The following AGMO variants were observed in gnomAD, a reference collection of about 807,000 sequenced individuals.
The protein encoded by AGMO is alkylglycerol monooxygenase, also known as glyceryl-ether monooxygenase.
Under a neutral mutation model 60.2 loss-of-function variants are expected in AGMO, and 75 were observed. The observed-to-expected ratio is 1.25, with a 90% CI of 1.03 to 1.51. AGMO has a LOEUF of 1.51. AGMO is among the 40% of genes most tolerant of loss of function. The pLI, the probability that AGMO is intolerant of heterozygous loss-of-function variation, is 0.00. For synonymous variants in AGMO, 261 were observed against 177.1 expected, an observed-to-expected ratio of 1.47 and a Z score of -3.76; for missense variants, 763 against 525.5, an observed-to-expected ratio of 1.45 and a Z score of -4.42.
intron 12 of AGMO, among the ~76,000 whole-genome samples, chr7:15,354,858 AT>A (rs1468993927): frequency 6.6e-6 from 1 of 151,056 alleles, no homozygotes; most frequent in Non-Finnish European, 1.5e-5. Context: ...AAAATATATT[AT>A]ATCCTATAAA....
chr7:15,435,008 T>C (rs1303278840), intron 3 of AGMO, among the ~76,000 whole-genome samples: 1 of 152,112 alleles, frequency 6.6e-6, no homozygotes, highest in African/African-American at 2.4e-5. Flanking sequence ...GCATAATGCA[T>C]TGAAGATCCC....
At chr7:15,194,124 TCAG>T in the AGMO span, among the ~76,000 whole-genome samples, 2 of 152,184 alleles carry the variant, frequency 1.3e-5, no homozygotes, top group Non-Finnish European at 2.9e-5. Flanking sequence ...AATTTTATTT[TCAG>T]TATTAAACTT....
At chr7:15,238,178 A>G (rs2128501858) in intron 12 of AGMO, among the ~76,000 whole-genome samples, 1 of 151,996 alleles carries the variant, frequency 6.6e-6, no homozygotes, top group South Asian at 2.1e-4. Flanking sequence ...AGTTTGAATA[A>G]CTTTTTCATA....
At chr7:15,230,148 G>T (rs1277150533) in intron 12 of AGMO, among the ~76,000 whole-genome samples, 2 of 152,066 alleles carry the variant, frequency 1.3e-5, no homozygotes, top group Non-Finnish European at 2.9e-5. Context: ...AAAGAAAAGA[G>T]GAGGAGGAAA....
At chr7:15,397,089 G>A (rs1182514922) in intron 5 of AGMO, among the ~76,000 whole-genome samples, 3 of 152,102 alleles carry the variant, frequency 2.0e-5, no homozygotes, top group Non-Finnish European at 4.4e-5. Context: ...CCTGTCACTG[G>A]CACCCGCCAG....
At chr7:15,320,357 G>C (rs1781071702) in intron 12 of AGMO, among the ~76,000 whole-genome samples, 1 of 151,834 alleles carries the variant, frequency 6.6e-6, no homozygotes, top group South Asian at 2.1e-4. Context: ...TAGCCACAGA[G>C]AAGCCATATA....
chr7:15,301,236 C>T (rs183792298), intron 12 of AGMO, among the ~76,000 whole-genome samples: 13 of 152,092 alleles, frequency 8.5e-5, no homozygotes, highest in African/African-American at 3.1e-4. Flanking sequence ...GTCAGGAGTT[C>T]GAGACCAGGC....
chr7:15,314,183 G>A (rs773298622), intron 12 of AGMO, among the ~76,000 whole-genome samples: 2 of 152,028 alleles, frequency 1.3e-5, no homozygotes, highest in East Asian at 1.9e-4. Flanking sequence ...GGGTGAGACT[G>A]AGCAGGAGGG....
chr7:15,124,658 A>G, the AGMO span, among the ~76,000 whole-genome samples: 22 of 152,122 alleles, frequency 1.4e-4, no homozygotes, highest in African/African-American at 5.3e-4. Flanking sequence ...TTTAGAATTC[A>G]AAAGATTTCT....
intron 12 of AGMO, among the ~76,000 whole-genome samples, chr7:15,276,378 G>C (rs758513605): frequency 1.3e-5 from 2 of 151,842 alleles, no homozygotes; most frequent in African/African-American, 4.8e-5. Flanking sequence ...CTTCTGGCTT[G>C]TAAGGTTTCT....
chr7:15,559,355 C>T (rs1785239393), intron 2 of AGMO, among the ~76,000 whole-genome samples: 1 of 152,064 alleles, frequency 6.6e-6, no homozygotes, highest in African/African-American at 2.4e-5. Flanking sequence ...CTGGGATAAG[C>T]ACACAATTCC....
intron 12 of AGMO, among the ~76,000 whole-genome samples, chr7:15,266,749 T>C (rs1295723037): frequency 6.6e-6 from 1 of 151,908 alleles, no homozygotes; most frequent in Non-Finnish European, 1.5e-5. Context: ...TCTATATTCT[T>C]ATTTTATATA....
At chr7:15,133,511 A>C in the AGMO span, among the ~76,000 whole-genome samples, 1 of 152,148 alleles carries the variant, frequency 6.6e-6, no homozygotes, top group African/African-American at 2.4e-5. Context: ...TGGAGGCTAA[A>C]ATCATCAGTG....
chr7:15,429,902 A>T (rs1008212944), intron 4 of AGMO, among the ~76,000 whole-genome samples: 1 of 152,074 alleles, frequency 6.6e-6, no homozygotes, highest in African/African-American at 2.4e-5. Context: ...CTTATTTATG[A>T]TGATCAGAAA....
At chr7:15,178,106 G>A in the AGMO span, among the ~76,000 whole-genome samples, 1 of 152,086 alleles carries the variant, frequency 6.6e-6, no homozygotes, top group African/African-American at 2.4e-5. Flanking sequence ...GCGTTATCCT[G>A]GGACATCCTG....
the AGMO span, among the ~76,000 whole-genome samples, chr7:15,123,170 G>A: frequency 6.6e-6 from 1 of 151,884 alleles, no homozygotes; most frequent in Admixed American, 6.6e-5. Context: ...CCTCCAGCAA[G>A]TCTTAGCTAG....
intron 3 of AGMO, among the ~76,000 whole-genome samples, chr7:15,511,042 A>G (rs1168343547): frequency 6.6e-6 from 1 of 152,106 alleles, no homozygotes; most frequent in Non-Finnish European, 1.5e-5. Flanking sequence ...ACATTGACAT[A>G]AATGTGAACT....
At chr7:15,368,952 G>C (rs768121615) in intron 10 of AGMO, among the ~76,000 whole-genome samples, 3 of 152,058 alleles carry the variant, frequency 2.0e-5, no homozygotes, top group Non-Finnish European at 4.4e-5. Context: ...AACTTGGCAT[G>C]ACTAAAACAC....
At chr7:15,167,540 A>T in the AGMO span, among the ~76,000 whole-genome samples, 1 of 152,204 alleles carries the variant, frequency 6.6e-6, no homozygotes, top group African/African-American at 2.4e-5. Context: ...GAAAGAAAAA[A>T]ATATCACGGA....
Sources: allele counts gnomAD v4.1 joint callset (sites outside exome capture counted in the v4.1 genomes callset), GRCh38; gene constraint gnomAD v4.1.1; transcripts MANE v1.5; gene names NCBI Gene and HGNC (gene_info 2026-07-23, HGNC 2026-07-21).